Variants in CHN1 observed in about 807,000 individuals in gnomAD.
The protein encoded by CHN1 is chimerin 1.
A neutral mutation model predicts 59.5 loss-of-function variants in CHN1; 37 were observed. That is an observed-to-expected ratio of 0.62 (90% CI 0.48 to 0.82). The LOEUF (loss-of-function observed/expected upper bound fraction) is 0.82. Among genes scored for constraint, CHN1 ranks in the 40% least tolerant of loss-of-function variants. The pLI is 0.00. For missense variants in CHN1, 469 were observed against 571.0 expected (o/e 0.82, Z 1.82); for synonymous variants, 206 against 200.4 (o/e 1.03, Z -0.24).
rs114817671 is a variant in CHN1 at position 174,941,661 on chromosome 2, C to T, written c.114+3227G>A. Among the ~76,000 whole-genome samples the T allele has an allele frequency of 2.4e-3, 363 of 152,278 alleles. 2 individuals carry two copies. The highest frequency in any genetic ancestry group is 8.5e-3 in the African/African-American group (353 of 41,566). Reference sequence around the variant, plus strand: ...GTTCACATGTTGAACGTTTGATCATCTACTCCTTATGATAATTGTTTTACT... The same window carrying T: ...GTTCACATGTTGAACGTTTGATCATTTACTCCTTATGATAATTGTTTTACT... On this transcript the variant is annotated intron_variant, in intron 3 of 12. Coordinates refer to ENST00000409900, the MANE Select transcript of CHN1 (RefSeq NM_001822.7).
Position 175,005,122 on chromosome 2 carries a change from G to T in CHN1, c.-210C>A. 7.6e-7 allele frequency: 1 copy of T among 1,312,118 alleles called. No individual in the cohort carries two copies. Among genetic ancestry groups the T allele is most frequent in the Non-Finnish European group, 9.7e-7 (1 of 1,028,618 alleles). The allele number at this position is 1,312,118 out of a possible 1,614,324, so 81.3% of individuals were successfully genotyped here. ...TTCACGCGTTATTGTCGGGCGCACC[G>T]GGCCCAGGGAGCCCCGCTAGCTCTC... is the stretch of plus-strand genomic sequence containing the variant. On this transcript the variant is annotated 5_prime_UTR_variant, in exon 1 of 13. Transcript: ENST00000409900.
chr2:174,988,369 A>T (rs1480568565), intron 1 of CHN1, among the ~76,000 whole-genome samples: 3 of 151,944 alleles, frequency 2.0e-5, no homozygotes, highest in Admixed American at 2.0e-4. Flanking sequence ...AAAAAAAAAA[A>T]AAAAGACCAA....
chr2:174,947,262 T>A (rs1689867547), intron 2 of CHN1, among the ~76,000 whole-genome samples: 1 of 152,306 alleles, frequency 6.6e-6, no homozygotes, highest in South Asian at 2.1e-4. Context: ...TGAGAATTGA[T>A]GTGGGTTTCA....
At chr2:174,881,507 T>A (rs895776394) in intron 5 of CHN1, among the ~76,000 whole-genome samples, 1 of 152,154 alleles carries the variant, frequency 6.6e-6, no homozygotes, top group Non-Finnish European at 1.5e-5. Flanking sequence ...GAGGATTACA[T>A]GAAGATATTT....
At chr2:174,940,751 A>T (rs908927966) in intron 3 of CHN1, among the ~76,000 whole-genome samples, 9 of 151,682 alleles carry the variant, frequency 5.9e-5, no homozygotes, top group African/African-American at 2.2e-4. Context: ...TTTGACCACC[A>T]GATCTCTCCA....
At chr2:174,861,251 G>C (rs1490876107) in intron 6 of CHN1, among the ~76,000 whole-genome samples, 1 of 152,114 alleles carries the variant, frequency 6.6e-6, no homozygotes, top group Non-Finnish European at 1.5e-5. Context: ...TAGGTAGAAT[G>C]TATGGAATAT....
At chr2:174,847,115 G>A in intron 6 of CHN1, 158 bp from the exon 7 acceptor site, 1 of 1,550,134 alleles carries the variant, frequency 6.5e-7, no homozygotes, top group Non-Finnish European at 8.7e-7. Flanking sequence ...CCCTGACCAA[G>A]ACTCTTTGGA....
intron 5 of CHN1, among the ~76,000 whole-genome samples, chr2:174,882,603 TTTGTG>T (rs1687770482): frequency 6.6e-6 from 1 of 152,188 alleles, no homozygotes; most frequent in South Asian, 2.1e-4. Flanking sequence ...TAACAGATGT[TTTGTG>T]TTAACAAACA....
chr2:174,868,523 T>C (rs1253165475), intron 6 of CHN1, among the ~76,000 whole-genome samples: 1 of 152,216 alleles, frequency 6.6e-6, no homozygotes, highest in Non-Finnish European at 1.5e-5. Flanking sequence ...AATCAGTTAC[T>C]AAACTAATAT....
intron 8 of CHN1, among the ~76,000 whole-genome samples, chr2:174,823,338 T>C (rs1441246237): frequency 1.3e-5 from 2 of 152,196 alleles, no homozygotes; most frequent in Non-Finnish European, 2.9e-5. Context: ...ATTTAAAATT[T>C]ACATGATTAT....
chr2:174,902,539 A>C (rs773248927), intron 5 of CHN1, among the ~76,000 whole-genome samples: 14 of 152,168 alleles, frequency 9.2e-5, no homozygotes, highest in Non-Finnish European at 1.5e-4. Flanking sequence ...TTTTCCCATA[A>C]AATGATTCAT....
intron 5 of CHN1, among the ~76,000 whole-genome samples, chr2:174,904,802 G>C (rs760676160): frequency 6.6e-6 from 1 of 152,146 alleles, no homozygotes; most frequent in Admixed American, 6.6e-5. Context: ...TCTACCACAT[G>C]GTCTTATTTT....
chr2:174,855,638 C>G (rs1686877115), intron 6 of CHN1, among the ~76,000 whole-genome samples: 1 of 152,074 alleles, frequency 6.6e-6, no homozygotes, highest in Admixed American at 6.6e-5. Flanking sequence ...ATGTCAGCTT[C>G]CATTAATTAA....
intron 5 of CHN1, among the ~76,000 whole-genome samples, chr2:174,883,322 G>A (rs1251601412): frequency 6.6e-6 from 1 of 152,154 alleles, no homozygotes; most frequent in East Asian, 1.9e-4. Flanking sequence ...GGGAATACAA[G>A]CAGAGGTATC....
intron 6 of CHN1, chr2:174,847,507 C>A: frequency 8.3e-7 from 1 of 1,202,658 alleles, no homozygotes; most frequent in Non-Finnish European, 1.0e-6. Context: ...CTTCTCTATT[C>A]AAGATATTAA....
intron 5 of CHN1, among the ~76,000 whole-genome samples, chr2:174,902,150 A>G (rs1031125776): frequency 6.6e-6 from 1 of 152,100 alleles, no homozygotes; most frequent in African/African-American, 2.4e-5. Context: ...TTTGTATTGT[A>G]TATTTGTCAG....
chr2:174,919,973 T>C (rs1293554552), intron 3 of CHN1, among the ~76,000 whole-genome samples: 1 of 152,186 alleles, frequency 6.6e-6, no homozygotes, highest in Non-Finnish European at 1.5e-5. Flanking sequence ...TCTGCCCCGA[T>C]AACCACTATT....
intron 3 of CHN1, among the ~76,000 whole-genome samples, chr2:174,931,994 G>C (rs1689363318): frequency 6.6e-6 from 1 of 152,136 alleles, no homozygotes; most frequent in African/African-American, 2.4e-5. Flanking sequence ...GTGAAGGTTT[G>C]GCTTTTACTC....
chr2:174,948,008 T>C (rs2105408326), intron 2 of CHN1, among the ~76,000 whole-genome samples: 1 of 152,292 alleles, frequency 6.6e-6, no homozygotes, highest in Admixed American at 6.5e-5. Context: ...AGGGAATATA[T>C]GATTAAAGTA....
Sources: allele counts gnomAD v4.1 joint callset (sites outside exome capture counted in the v4.1 genomes callset), GRCh38; gene constraint gnomAD v4.1.1; transcripts MANE v1.5; gene names NCBI Gene and HGNC (gene_info 2026-07-23, HGNC 2026-07-21).